The following FRMD6 variants were observed in gnomAD, a reference collection of about 807,000 sequenced individuals.
FRMD6 encodes FERM domain-containing protein 6.
A neutral mutation model predicts 73.2 loss-of-function variants in FRMD6; 37 were observed. The observed-to-expected ratio is 0.51, with a 90% CI of 0.39 to 0.66. The LOEUF (loss-of-function observed/expected upper bound fraction) is 0.66. Ranked by LOEUF, FRMD6 falls within the 30% of genes least tolerant of loss-of-function variation. The pLI is 0.00. For synonymous variants in FRMD6, 273 were observed against 282.2 expected, an observed-to-expected ratio of 0.97 and a Z score of 0.33; for missense variants, 714 against 780.5, an observed-to-expected ratio of 0.91 and a Z score of 1.02.
the FRMD6 span, among the ~76,000 whole-genome samples, chr14:51,459,882 C>CTTT: frequency 1.7e-4 from 4 of 23,426 alleles, no homozygotes; most frequent in Admixed American, 9.6e-4. Context: ...ATTACTGACT[C>CTTT]TCTTTTTTTT....
chr14:51,664,793 T>C (rs962658735), intron 1 of FRMD6, among the ~76,000 whole-genome samples: 11 of 152,202 alleles, frequency 7.2e-5, no homozygotes, highest in Admixed American at 3.3e-4. Flanking sequence ...ATTCGCATCA[T>C]TTTGAATGTT....
upstream of FRMD6, among the ~76,000 whole-genome samples, chr14:51,488,640 A>G (rs538938826): frequency 1.3e-5 from 2 of 152,352 alleles, no homozygotes; most frequent in East Asian, 1.9e-4. Flanking sequence ...TTGAATTTAA[A>G]GGAACTCTAA....
intron 2 of FRMD6, among the ~76,000 whole-genome samples, chr14:51,600,285 T>C (rs181732242): frequency 6.6e-6 from 1 of 152,272 alleles, no homozygotes; most frequent in East Asian, 1.9e-4. Flanking sequence ...TTTTTTCCCT[T>C]CATTGAGTAA....
the FRMD6 span, among the ~76,000 whole-genome samples, chr14:51,478,386 C>T: frequency 3.3e-5 from 5 of 152,106 alleles, no homozygotes; most frequent in Non-Finnish European, 7.4e-5. Context: ...TCAGTGGAAA[C>T]GTAAAGTAGA....
the FRMD6 span, among the ~76,000 whole-genome samples, chr14:51,446,023 A>G: frequency 6.6e-6 from 1 of 152,204 alleles, no homozygotes; most frequent in South Asian, 2.1e-4. Context: ...GGTACTTACC[A>G]CTGTCACAGA....
chr14:51,631,731 G>A (rs1891344827), intron 2 of FRMD6, among the ~76,000 whole-genome samples: 1 of 152,062 alleles, frequency 6.6e-6, no homozygotes, highest in South Asian at 2.1e-4. Flanking sequence ...TCCTAACTCT[G>A]GCAGTAGATT....
chr14:51,694,926 T>G lies in FRMD6; in HGVS notation c.100-3216T>G, dbSNP rs191213255. On this transcript the variant is annotated intron_variant, in intron 2 of 13. Transcript: ENST00000344768. ...ACTTCAGAGCCATGGCCTTATTTAA[T>G]TATAGTTTTTGAATAAGAGCACTGC... is the stretch of plus-strand genomic sequence containing the variant. 1.1e-3 allele frequency among the ~76,000 whole-genome samples: 158 copies of G among 148,674 alleles called. 1 individual carries two copies. The highest frequency in any genetic ancestry group is 1.9e-3 in the Non-Finnish European group (126 of 68,022).
chr14:51,417,791 T>A, the FRMD6 span, among the ~76,000 whole-genome samples: 1 of 152,204 alleles, frequency 6.6e-6, no homozygotes, highest in Non-Finnish European at 1.5e-5. Context: ...GGTAAACCAA[T>A]CAAACCTAGA....
intron 2 of FRMD6, among the ~76,000 whole-genome samples, chr14:51,602,755 A>G (rs1280378962): frequency 1.3e-5 from 2 of 152,242 alleles, no homozygotes; most frequent in African/African-American, 4.8e-5. Flanking sequence ...CATTTGGGTG[A>G]ACAGTTTTTT....
At chr14:51,540,428 C>A (rs577106380) in intron 1 of FRMD6, among the ~76,000 whole-genome samples, 9 of 152,042 alleles carry the variant, frequency 5.9e-5, no homozygotes, top group Admixed American at 5.2e-4. Context: ...ACCTTTTACC[C>A]GTGGTGAAAT....
chr14:51,563,924 C>G (rs1424750930), intron 1 of FRMD6, among the ~76,000 whole-genome samples: 1 of 152,154 alleles, frequency 6.6e-6, no homozygotes, highest in African/African-American at 2.4e-5. Flanking sequence ...AATAACTTTG[C>G]GATCGCAAGT....
chr14:51,480,158 A>G, the FRMD6 span, among the ~76,000 whole-genome samples: 71 of 152,238 alleles, frequency 4.7e-4, no homozygotes, highest in Admixed American at 1.1e-3. Flanking sequence ...AGAGTAAGAG[A>G]TGGAGCCAAG....
At chr14:51,647,791 C>A (rs554970166), upstream of FRMD6, among the ~76,000 whole-genome samples, 1 of 152,186 alleles carries the variant, frequency 6.6e-6, no homozygotes, top group Non-Finnish European at 1.5e-5. Context: ...AAAACATACT[C>A]TGAATGCTGG....
intron 1 of FRMD6, among the ~76,000 whole-genome samples, chr14:51,687,311 T>C (rs963416212): frequency 1.3e-5 from 2 of 152,182 alleles, no homozygotes; most frequent in Admixed American, 6.6e-5. Context: ...CAGATTTAAA[T>C]AAGAATTACA....
chr14:51,428,453 AGAC>A, the FRMD6 span, among the ~76,000 whole-genome samples: 1 of 152,220 alleles, frequency 6.6e-6, no homozygotes, highest in South Asian at 2.1e-4. Context: ...TATATGGAGC[AGAC>A]AACTCCAGTC....
chr14:51,459,884 C>CTTT, the FRMD6 span, among the ~76,000 whole-genome samples: 787 of 74,626 alleles, frequency 0.011, 76 homozygotes, highest in African/African-American at 0.042. Context: ...TACTGACTCT[C>CTTT]TTTTTTTTTT....
At chr14:51,679,857 G>C (rs900597386) in intron 1 of FRMD6, among the ~76,000 whole-genome samples, 2 of 152,168 alleles carry the variant, frequency 1.3e-5, no homozygotes, top group African/African-American at 4.8e-5. Flanking sequence ...TGTAAGACAA[G>C]TGATAATTTC....
At chr14:51,547,365 G>GT (rs1185795828) in intron 1 of FRMD6, among the ~76,000 whole-genome samples, 1 of 152,156 alleles carries the variant, frequency 6.6e-6, no homozygotes, top group African/African-American at 2.4e-5. Flanking sequence ...TCTCTTGGCT[G>GT]TAAGTTTGTT....
At chr14:51,426,129 A>G in the FRMD6 span, among the ~76,000 whole-genome samples, 1 of 151,822 alleles carries the variant, frequency 6.6e-6, no homozygotes, top group East Asian at 1.9e-4. Flanking sequence ...CATTTTATTG[A>G]TTCCCCCTGT....
Sources: allele counts gnomAD v4.1 joint callset (sites outside exome capture counted in the v4.1 genomes callset), GRCh38; gene constraint gnomAD v4.1.1; transcripts MANE v1.5; gene names NCBI Gene and HGNC (gene_info 2026-07-23, HGNC 2026-07-21).